CTNNBL1: variants seen among roughly 807,000 people sequenced by gnomAD.
CTNNBL1 encodes catenin beta like 1.
CTNNBL1 carries 31 observed loss-of-function variants against 72.7 expected under a neutral mutation model. The ratio of observed to expected loss-of-function variants is 0.43; its 90% CI spans 0.32 to 0.58. The LOEUF (loss-of-function observed/expected upper bound fraction) is 0.58, where lower values mean the gene tolerates loss of function less well. Ranked by LOEUF, CTNNBL1 falls within the 20% of genes least tolerant of loss-of-function variation. The pLI, the probability that CTNNBL1 is intolerant of heterozygous loss-of-function variation, is 0.08. For synonymous variants in CTNNBL1, 240 were observed against 267.3 expected (o/e 0.90, Z 1.00); for missense variants, 534 against 725.1 (o/e 0.74, Z 3.03).
At chr20:37,863,511 A>C (rs1212769690) in intron 15 of CTNNBL1, among the ~76,000 whole-genome samples, 1 of 152,190 alleles carries the variant, frequency 6.6e-6, no homozygotes, top group African/African-American at 2.4e-5. Context: ...TCTCCTCCTC[A>C]GGACTAGGAC....
chr20:37,840,363 G>A (rs1267014927), intron 12 of CTNNBL1, among the ~76,000 whole-genome samples, 164 bp downstream of exon 12: 1 of 152,150 alleles, frequency 6.6e-6, no homozygotes, highest in Admixed American at 6.5e-5. Context: ...TGGTTATTCT[G>A]CTTTTCATCT....
intron 5 of CTNNBL1, among the ~76,000 whole-genome samples, chr20:37,761,635 C>A (rs2073418410): frequency 6.6e-6 from 1 of 152,204 alleles, no homozygotes; most frequent in Admixed American, 6.5e-5. Flanking sequence ...TGTGAGCAAG[C>A]CTGACAAAGC....
chr20:37,868,044 A>G (rs1309639042), intron 15 of CTNNBL1, among the ~76,000 whole-genome samples: 1 of 152,190 alleles, frequency 6.6e-6, no homozygotes, highest in Non-Finnish European at 1.5e-5. Context: ...TCAGGGCTGC[A>G]ATAAATTTCT....
intron 1 of CTNNBL1, among the ~76,000 whole-genome samples, chr20:37,716,716 G>A (rs1026168881): frequency 3.3e-5 from 5 of 152,196 alleles, no homozygotes; most frequent in African/African-American, 1.2e-4. Flanking sequence ...AGAGGGATAG[G>A]TAAATCAGCA....
In CTNNBL1 at chr20:37,786,110, G is replaced by GTC. The variant is rs138020129; in HGVS notation, c.1031+6789_1031+6790dup. ...CCTGACTTTTCCCCAAACACGTGGA[G>GTC]TCTCTCTCTCTCTCTGTGCTGAGCT... On this transcript the variant is annotated intron_variant, in intron 10 of 15. Transcript: ENST00000361383. Among the ~76,000 whole-genome samples the GTC allele has an allele frequency of 2.5e-3, 375 of 151,778 alleles. 3 individuals carry two copies. Among genetic ancestry groups the GTC allele is most frequent in the African/African-American group, 8.3e-3 (345 of 41,458 alleles).
intron 11 of CTNNBL1, among the ~76,000 whole-genome samples, chr20:37,812,937 C>G (rs6512714): frequency 6.6e-6 from 1 of 151,608 alleles, no homozygotes; most frequent in Non-Finnish European, 1.5e-5. Flanking sequence ...CAGCCCCCCC[C>G]AGGAATGTGG....
At chr20:37,728,098 CCCTTCAG>C (rs2073100103) in intron 1 of CTNNBL1, among the ~76,000 whole-genome samples, 1 of 152,100 alleles carries the variant, frequency 6.6e-6, no homozygotes. Flanking sequence ...GGAGCTGGAA[CCCTTCAG>C]ATGGAAATCC....
intron 4 of CTNNBL1, among the ~76,000 whole-genome samples, chr20:37,753,528 T>C (rs912367674): frequency 6.6e-6 from 1 of 152,136 alleles, no homozygotes; most frequent in African/African-American, 2.4e-5. Flanking sequence ...AATCTGAATC[T>C]CTGTGGCATA....
intron 11 of CTNNBL1, among the ~76,000 whole-genome samples, chr20:37,807,783 G>T (rs2071972689): frequency 1.3e-5 from 2 of 152,216 alleles, no homozygotes; most frequent in Non-Finnish European, 2.9e-5. Context: ...GGGTTGGAAA[G>T]AAATGATTTG....
chr20:37,838,008 A>C (rs1183309760), intron 11 of CTNNBL1, among the ~76,000 whole-genome samples: 2 of 152,248 alleles, frequency 1.3e-5, no homozygotes, highest in Non-Finnish European at 2.9e-5. Context: ...CATGTGAGGC[A>C]TTGCATTTTT....
intron 15 of CTNNBL1, among the ~76,000 whole-genome samples, chr20:37,863,176 G>A (rs927852410): frequency 1.1e-4 from 16 of 152,176 alleles, no homozygotes; most frequent in African/African-American, 3.9e-4. Flanking sequence ...GCTAAGTGCT[G>A]TGCTATGGAG....
In CTNNBL1 at chr20:37,715,491, C is replaced by T. The variant is rs181188916; in HGVS notation, c.31-17388C>T. 2.6e-3 allele frequency among the ~76,000 whole-genome samples: 390 copies of T among 152,326 alleles called. 1 individual carries two copies. The highest frequency in any genetic ancestry group is 6.8e-3 in the Middle Eastern group (2 of 294). ...CTGTAGGAGGAATTCTTTATGGTTT[C>T]TGTAAACCCCACAATGCTGTGACCT... On this transcript the variant is annotated intron_variant, in intron 1 of 15. Coordinates refer to ENST00000361383, the MANE Select transcript of CTNNBL1 (RefSeq NM_030877.5).
chr20:37,841,198 C>G (rs936197414), intron 12 of CTNNBL1, among the ~76,000 whole-genome samples: 1 of 152,172 alleles, frequency 6.6e-6, no homozygotes, highest in Non-Finnish European at 1.5e-5. Flanking sequence ...CATTATGTAA[C>G]TTACCCAAGA....
At chr20:37,790,012 C>T (rs184799939) in intron 10 of CTNNBL1, among the ~76,000 whole-genome samples, 3 of 152,338 alleles carry the variant, frequency 2.0e-5, no homozygotes, top group Admixed American at 2.0e-4. Flanking sequence ...TAGGAGGATA[C>T]ACAGCCACAT....
At chr20:37,725,104 A>C (rs2073072391) in intron 1 of CTNNBL1, among the ~76,000 whole-genome samples, 1 of 151,736 alleles carries the variant, frequency 6.6e-6, no homozygotes. Context: ...ACAGGTCCTC[A>C]CTATGTTGCT....
intron 10 of CTNNBL1, among the ~76,000 whole-genome samples, chr20:37,793,630 A>G (rs751117553): frequency 6.6e-6 from 1 of 152,222 alleles, no homozygotes; most frequent in Non-Finnish European, 1.5e-5. Flanking sequence ...AAGTGCATGC[A>G]CACACCTGTG....
At chr20:37,830,474 C>T (rs1005427973) in intron 11 of CTNNBL1, among the ~76,000 whole-genome samples, 3 of 152,120 alleles carry the variant, frequency 2.0e-5, no homozygotes, top group Non-Finnish European at 2.9e-5. Context: ...AACAGAGGTT[C>T]CAGCAGGACC....
At chr20:37,752,679 C>CA (rs2073330940) in intron 4 of CTNNBL1, among the ~76,000 whole-genome samples, 3 of 151,736 alleles carry the variant, frequency 2.0e-5, no homozygotes, top group Admixed American at 6.6e-5. Flanking sequence ...TATCCACAGC[C>CA]AAAAAATAGA....
At chr20:37,722,024 T>A (rs1241569023) in intron 1 of CTNNBL1, among the ~76,000 whole-genome samples, 1 of 152,218 alleles carries the variant, frequency 6.6e-6, no homozygotes, top group Non-Finnish European at 1.5e-5. Context: ...GATTTTTTAT[T>A]TTTTCATTTT....
Sources: allele counts gnomAD v4.1 joint callset (sites outside exome capture counted in the v4.1 genomes callset), GRCh38; gene constraint gnomAD v4.1.1; transcripts MANE v1.5; gene names NCBI Gene and HGNC (gene_info 2026-07-23, HGNC 2026-07-21).